The following PPP1R14C variants were observed in gnomAD, a reference collection of about 807,000 sequenced individuals.
PPP1R14C encodes the protein protein phosphatase 1 regulatory inhibitor subunit 14C.
A neutral mutation model predicts 20.4 loss-of-function variants in PPP1R14C; 16 were observed. The ratio of observed to expected loss-of-function variants is 0.78; its 90% CI spans 0.53 to 1.19. The LOEUF (loss-of-function observed/expected upper bound fraction) is 1.19, where lower values mean the gene tolerates loss of function less well. Among genes scored for constraint, PPP1R14C ranks in the 50% most tolerant of loss-of-function variants. The pLI is 0.00. For missense variants in PPP1R14C, 211 were observed against 220.1 expected (o/e 0.96, Z 0.26); for synonymous variants, 91 against 91.0 (o/e 1.00, Z 0.00).
At chr6:150,163,012 G>A (rs2114861122) in intron 1 of PPP1R14C, among the ~76,000 whole-genome samples, 1 of 152,274 alleles carries the variant, frequency 6.6e-6, no homozygotes, top group South Asian at 2.1e-4. Context: ...AACACCCTCT[G>A]GCAGGATGAA....
In PPP1R14C at chr6:150,143,135, C is replaced by G; in HGVS notation, c.-58C>G. 8.4e-7 allele frequency: 1 copy of G among 1,185,574 alleles called. No homozygotes were observed. Among genetic ancestry groups the G allele is most frequent in the South Asian group, 4.2e-5 (1 of 24,026 alleles). The allele number at this position is 1,185,574 out of a possible 1,614,324, so 73.4% of individuals were successfully genotyped here. On this transcript the variant is annotated 5_prime_UTR_variant, in exon 1 of 4. Transcript: ENST00000361131. The surrounding 1 kb of genome is among the most constrained non-coding windows in gnomAD (Gnocchi z 5.6). The stretch of plus-strand genomic sequence containing the variant: ...GCCGGGCCGGAGGTGGTAGCGGCGC[C>G]GGGCGCGCTCCGCCCGCCCCTCCTC...
In PPP1R14C at chr6:150,176,004, G is replaced by A. The variant is rs537190292; in HGVS notation, c.306+32506G>A. 2.6e-5 allele frequency among the ~76,000 whole-genome samples: 4 copies of A among 152,294 alleles called. No homozygotes were observed. In the South Asian group the frequency reaches 8.3e-4, roughly 32 times the overall value. ...CCTGTCATAAGTGACTCTACTAAAG[G>A]GGAATTCAGAATTCCACTGGGGATA... is the stretch of plus-strand genomic sequence containing the variant. On this transcript the variant is annotated intron_variant, in intron 1 of 3. Coordinates refer to ENST00000361131, the MANE Select transcript of PPP1R14C (RefSeq NM_030949.3).
At chr6:150,148,934 TGC>T (rs1562538249) in intron 1 of PPP1R14C, among the ~76,000 whole-genome samples, 3 of 152,046 alleles carry the variant, frequency 2.0e-5, no homozygotes, top group Non-Finnish European at 4.4e-5. Context: ...GATGGTGGCA[TGC>T]GCTGGTGGTC....
chr6:150,176,171 G>A (rs9384212), intron 1 of PPP1R14C, among the ~76,000 whole-genome samples: 19,035 of 152,216 alleles, frequency 0.13, 1,388 homozygotes, highest in East Asian at 0.22. Flanking sequence ...CCCGGGGTGA[G>A]GGAGTGTGGG....
chr6:150,227,578 T>G (rs1778244282), intron 3 of PPP1R14C, among the ~76,000 whole-genome samples: 1 of 152,204 alleles, frequency 6.6e-6, no homozygotes, highest in Admixed American at 6.5e-5. Flanking sequence ...GGGAACTCCT[T>G]TCTTATGTCA....
intron 3 of PPP1R14C, among the ~76,000 whole-genome samples, chr6:150,244,092 A>G (rs1343764768): frequency 1.3e-5 from 2 of 151,970 alleles, no homozygotes; most frequent in African/African-American, 4.8e-5. Flanking sequence ...GATCATGCAG[A>G]TAGTATGCTT....
At chr6:150,239,261 C>G (rs1430303007) in intron 3 of PPP1R14C, among the ~76,000 whole-genome samples, 1 of 152,214 alleles carries the variant, frequency 6.6e-6, no homozygotes, top group African/African-American at 2.4e-5. Flanking sequence ...GGTGAAACAT[C>G]AGCTTGGAGG....
At chr6:150,204,591 G>C (rs1027402562) in intron 1 of PPP1R14C, among the ~76,000 whole-genome samples, 1 of 152,236 alleles carries the variant, frequency 6.6e-6, no homozygotes, top group Non-Finnish European at 1.5e-5. Context: ...TTTGCACAAC[G>C]TGCGTGGGCA....
chr6:150,240,674 T>C (rs1395767318), intron 3 of PPP1R14C, among the ~76,000 whole-genome samples: 1 of 152,216 alleles, frequency 6.6e-6, no homozygotes, highest in Non-Finnish European at 1.5e-5. Context: ...ATTTTTCATC[T>C]GCAATGCAGA....
intron 1 of PPP1R14C, among the ~76,000 whole-genome samples, chr6:150,177,998 C>T (rs9371804): frequency 0.028 from 4,255 of 152,274 alleles, 127 homozygotes; most frequent in East Asian, 0.093. Flanking sequence ...TGTTTTACCT[C>T]GCACAAGAAT....
chr6:150,168,218 C>T (rs1410928656), intron 1 of PPP1R14C, among the ~76,000 whole-genome samples: 1 of 113,080 alleles, frequency 8.8e-6, no homozygotes, highest in Non-Finnish European at 1.7e-5. Flanking sequence ...GAAAGTTTAA[C>T]AACTGGCTCT....
intron 1 of PPP1R14C, among the ~76,000 whole-genome samples, chr6:150,144,106 G>A (rs1777155511): frequency 6.6e-6 from 1 of 152,246 alleles, no homozygotes; most frequent in Non-Finnish European, 1.5e-5. Flanking sequence ...TATCAGAGCT[G>A]CACACGTTGT....
At chr6:150,191,331 T>G (rs149746483) in intron 1 of PPP1R14C, among the ~76,000 whole-genome samples, 6 of 152,354 alleles carry the variant, frequency 3.9e-5, no homozygotes, top group African/African-American at 1.2e-4. Flanking sequence ...GCAAAGATTC[T>G]GTCAATTTTG....
intron 1 of PPP1R14C, among the ~76,000 whole-genome samples, chr6:150,189,768 C>A (rs1435129554): frequency 6.6e-6 from 1 of 152,158 alleles, no homozygotes; most frequent in Non-Finnish European, 1.5e-5. Context: ...ATACAGAATG[C>A]TTTATTATCA....
intron 1 of PPP1R14C, chr6:150,196,140 C>T (rs1777802043): frequency 2.0e-6 from 2 of 984,434 alleles, no homozygotes; most frequent in Non-Finnish European, 2.4e-6. Flanking sequence ...CATTGCAATA[C>T]ACTGTTGTTA....
intron 1 of PPP1R14C, among the ~76,000 whole-genome samples, chr6:150,174,052 A>G (rs1034989864): frequency 9.1e-5 from 12 of 132,118 alleles, no homozygotes; most frequent in African/African-American, 3.0e-4. Flanking sequence ...GTATTATTGA[A>G]AAATAATAAT....
At chr6:150,194,702 A>C (rs1222016438) in intron 1 of PPP1R14C, 1 of 985,312 alleles carries the variant, frequency 1.0e-6, no homozygotes, top group East Asian at 1.1e-4. Context: ...TGATAAAATG[A>C]TTTGCTTGTT....
chr6:150,230,869 C>T (rs1369766838), intron 3 of PPP1R14C, among the ~76,000 whole-genome samples: 3 of 134,982 alleles, frequency 2.2e-5, no homozygotes, highest in Non-Finnish European at 3.3e-5. Flanking sequence ...TACTTGCCAA[C>T]GGGCCCATCT....
intron 1 of PPP1R14C, among the ~76,000 whole-genome samples, chr6:150,148,036 A>G (rs1334406475): frequency 6.6e-6 from 1 of 152,224 alleles, no homozygotes; most frequent in East Asian, 1.9e-4. Context: ...ACATAACGTC[A>G]TTAGTGTTTA....
Sources: allele counts gnomAD v4.1 joint callset (sites outside exome capture counted in the v4.1 genomes callset), GRCh38; gene constraint gnomAD v4.1.1; non-coding constraint Gnocchi (gnomAD v3.1); transcripts MANE v1.5; gene names NCBI Gene and HGNC (gene_info 2026-07-23, HGNC 2026-07-21).